CCDC77: variants seen among roughly 807,000 people sequenced by gnomAD.
CCDC77 encodes the protein coiled-coil domain containing 77, also known as coiled-coil domain-containing protein 77.
A neutral mutation model predicts 66.8 loss-of-function variants in CCDC77; 56 were observed. The observed-to-expected ratio is 0.84, with a 90% CI of 0.68 to 1.05. The LOEUF is 1.05. Ranked by LOEUF, CCDC77 falls within the 50% of genes least tolerant of loss-of-function variation. The pLI is 0.00. For synonymous variants in CCDC77, 196 were observed against 195.2 expected (o/e 1.00, Z -0.03); for missense variants, 570 against 576.8 (o/e 0.99, Z 0.12).
chr12:414,347 C>T (rs1249534914), intron 4 of CCDC77, among the ~76,000 whole-genome samples: 3 of 150,954 alleles, frequency 2.0e-5, no homozygotes, highest in African/African-American at 7.3e-5. Flanking sequence ...GCCTTGGCCT[C>T]CTGAAGTGCT....
intron 4 of CCDC77, among the ~76,000 whole-genome samples, chr12:414,108 T>C (rs1945174416): frequency 6.6e-6 from 1 of 151,384 alleles, no homozygotes; most frequent in South Asian, 2.1e-4. Flanking sequence ...TTTTTTTTTT[T>C]TGAGACGGAG....
At chr12:389,571 C>CGAGGCGGGGCGAGGCGAGGCGG (rs57308009) in intron 1 of CCDC77, 3 of 223,056 alleles carry the variant, frequency 1.3e-5, no homozygotes, top group Admixed American at 5.6e-5. Context: ...GGGCGAGGCG[C>CGAGGCGGGGCGAGGCGAGGCGG]AACGAGGCGG....
At chr12:416,298 TAA>T (rs1945254426) in intron 4 of CCDC77, among the ~76,000 whole-genome samples, 1 of 129,240 alleles carries the variant, frequency 7.7e-6, no homozygotes, top group African/African-American at 2.8e-5. Flanking sequence ...TGAGTAGTGT[TAA>T]GTGTTTATGT....
chr12:433,580 GTTC>G, intron 9 of CCDC77: 1 of 754,364 alleles, frequency 1.3e-6, no homozygotes, highest in Non-Finnish European at 1.8e-6. Flanking sequence ...GCTAAGAAGT[GTTC>G]TTAGGCCGGG....
chr12:416,342 GGGGTGTGTGTGTGT>G lies in CCDC77; in HGVS notation c.271-2150_271-2137del, dbSNP rs1340576460. Among the ~76,000 whole-genome samples the G allele has an allele frequency of 7.8e-4, 27 of 34,644 alleles. 2 individuals carry two copies. The highest frequency in any genetic ancestry group is 1.8e-3 in the African/African-American group (13 of 7,204). 22.7% of individuals were successfully genotyped at this position (34,644 alleles called of 152,430 possible). A position where few individuals can be genotyped will look rare whatever the true frequency, so the allele number is the denominator to read the frequency against. On this transcript the variant is annotated intron_variant, in intron 4 of 12. Transcript: ENST00000239830. ...GTGTGTGTGAGTCTGTGGGTGTGTG[GGGGTGTGTGTGTGT>G]GTGTGTGTGTGTGTGTGTGTGTATA...
exon 1 of CCDC77, chr12:389,385 C>A (rs911275431): frequency 1.8e-6 from 1 of 568,148 alleles, no homozygotes; most frequent in Admixed American, 2.9e-5. Context: ...GTGTGTCTGG[C>A]CTTTCCTTCT....
At chr12:435,436 T>C (rs1425079933) in intron 9 of CCDC77, among the ~76,000 whole-genome samples, 1 of 152,270 alleles carries the variant, frequency 6.6e-6, no homozygotes, top group African/African-American at 2.4e-5. Flanking sequence ...TCTTCAACTC[T>C]TAACTTTCTT....
intron 3 of CCDC77, among the ~76,000 whole-genome samples, chr12:411,411 C>T (rs1323683145): frequency 6.6e-6 from 1 of 152,056 alleles, no homozygotes; most frequent in East Asian, 1.9e-4. Flanking sequence ...AACTCCTGAG[C>T]TCAGGCAATC....
At chr12:436,734 G>A (rs190519758) in intron 9 of CCDC77, 40 of 980,240 alleles carry the variant, frequency 4.1e-5, no homozygotes, top group Middle Eastern at 5.2e-4. Flanking sequence ...CTTGTTTAGC[G>A]TTATCTGCAT....
intron 3 of CCDC77, among the ~76,000 whole-genome samples, chr12:410,256 G>A (rs1335352877): frequency 7.6e-6 from 1 of 131,040 alleles, no homozygotes; most frequent in East Asian, 2.4e-4. Context: ...CTCTTCTTCT[G>A]TACTATTTTT....
chr12:403,635 G>A (rs988520143), intron 1 of CCDC77, among the ~76,000 whole-genome samples: 3 of 152,176 alleles, frequency 2.0e-5, no homozygotes, highest in African/African-American at 7.2e-5. Flanking sequence ...TGGGACTACA[G>A]GCACGTGCCA....
rs1386815956 is a variant in CCDC77, at chr12:415,412, TG to T, written c.271-3081del. On this transcript the variant is annotated intron_variant, in intron 4 of 12. Transcript: ENST00000239830. ...TGTTAATATAATCAACATAATATGT[TG>T]ATATTATTAACATAATTAACATAAT... 7.4e-4 allele frequency among the ~76,000 whole-genome samples: 16 copies of T among 21,752 alleles called. 1 individual carries two copies. The highest frequency in any genetic ancestry group is 3.1e-3 in the South Asian group (1 of 324). The allele number at this position is 21,752 out of a possible 152,430, so 14.3% of individuals were successfully genotyped here.
intron 5 of CCDC77, among the ~76,000 whole-genome samples, chr12:423,302 A>G (rs1161597691): frequency 8.3e-6 from 1 of 120,392 alleles, no homozygotes; most frequent in Non-Finnish European, 1.7e-5. Flanking sequence ...TTTTATATAT[A>G]TATATATTTT....
intron 5 of CCDC77, among the ~76,000 whole-genome samples, chr12:423,479 G>GTTTTTTTTTTTTTTTTTTT (rs1289177296): frequency 9.4e-5 from 2 of 21,232 alleles, no homozygotes; most frequent in African/African-American, 1.6e-4. Flanking sequence ...TGTTTTTTGT[G>GTTTTTTTTTTTTTTTTTTT]TTTTTTTTTG....
intron 4 of CCDC77, among the ~76,000 whole-genome samples, chr12:413,261 G>A (rs140524282): frequency 0.015 from 2,156 of 147,052 alleles, 195 homozygotes; most frequent in Admixed American, 0.13. Flanking sequence ...TTTTGAGACA[G>A]CGTCTTACTC....
chr12:422,595 A>G (rs919234967), intron 5 of CCDC77, among the ~76,000 whole-genome samples: 2 of 152,160 alleles, frequency 1.3e-5, no homozygotes, highest in Non-Finnish European at 2.9e-5. Context: ...ATGTGTCAGA[A>G]TTTTCTTCCT....
At chr12:424,962 CCT>C (rs2137588780) in intron 5 of CCDC77, among the ~76,000 whole-genome samples, 2 of 149,792 alleles carry the variant, frequency 1.3e-5, no homozygotes, top group Non-Finnish European at 3.0e-5. Flanking sequence ...ACAGGGTCTC[CCT>C]CTGTCACCCA....
At chr12:409,311 A>C in intron 2 of CCDC77, 57 bp from the exon 3 acceptor site, 1 of 1,215,950 alleles carries the variant, frequency 8.2e-7, no homozygotes, top group South Asian at 1.2e-5. Flanking sequence ...CTAATCCTGT[A>C]CTGTTTTTAT....
intron 9 of CCDC77, among the ~76,000 whole-genome samples, chr12:434,375 C>CT (rs1007575949): frequency 4.2e-5 from 6 of 142,504 alleles, no homozygotes; most frequent in Non-Finnish European, 1.5e-5. Flanking sequence ...TTTTTGGAGA[C>CT]TAAGTCTCAC....
Sources: allele counts gnomAD v4.1 joint callset (sites outside exome capture counted in the v4.1 genomes callset), GRCh38; gene constraint gnomAD v4.1.1; transcripts MANE v1.5; gene names NCBI Gene and HGNC (gene_info 2026-07-23, HGNC 2026-07-21).